The following GAS7 variants were observed in gnomAD, a reference collection of about 807,000 sequenced individuals.
The protein encoded by GAS7 is growth arrest-specific protein 7.
GAS7 carries 28 observed loss-of-function variants against 71.1 expected under a neutral mutation model. The observed-to-expected ratio is 0.39, with a 90% CI of 0.29 to 0.54. The LOEUF (loss-of-function observed/expected upper bound fraction) is 0.54. Among genes scored for constraint, GAS7 ranks in the 20% least tolerant of loss-of-function variants. The probability of loss-of-function intolerance (pLI) is 0.62; values close to 1 mark genes in which losing one functional copy is unlikely to be tolerated. For synonymous variants in GAS7, 258 were observed against 245.8 expected, an observed-to-expected ratio of 1.05 and a Z score of -0.46; for missense variants, 436 against 627.8, an observed-to-expected ratio of 0.69 and a Z score of 3.27.
intron 1 of GAS7, among the ~76,000 whole-genome samples, chr17:10,090,061 C>T (rs565104619): frequency 2.6e-4 from 39 of 151,886 alleles, no homozygotes; most frequent in African/African-American, 7.2e-4. Flanking sequence ...CCCAGCTACT[C>T]GGGAGGCTGA....
At position 9,981,009 on chromosome 17, in the gene GAS7, C is replaced by T. The variant is rs1295417692; in HGVS notation, c.385+795G>A. Among the ~76,000 whole-genome samples the T allele has an allele frequency of 1.3e-5, 2 of 152,158 alleles. No homozygotes were observed. The highest frequency in any genetic ancestry group is 2.9e-5 in the Non-Finnish European group (2 of 68,038). ...CCACCTATTATAGGAATGTCCATTT[C>T]AGCCAGGCGCGGTGGCTCACACCTT... On this transcript the variant is annotated intron_variant, in intron 3 of 13. Coordinates refer to ENST00000432992, the MANE Select transcript of GAS7 (RefSeq NM_201433.2). The surrounding 1 kb of genome is among the most constrained non-coding windows in gnomAD (Gnocchi z 4.4).
rs536654999 is a variant in GAS7 at position 10,113,824 on chromosome 17, T to C, written c.183+84384A>G. Among the ~76,000 whole-genome samples, 7 of 152,344 alleles carry C rather than the reference T, an allele frequency of 4.6e-5. No homozygotes were observed. In the East Asian group the frequency reaches 1.2e-3, roughly 25 times the overall value. On this transcript the variant is annotated intron_variant, in intron 1 of 13. Transcript: ENST00000432992. ...TTTCACTCTACGTTTTTTGTACCTT[T>C]CAGATATCAGACCTGAGCATATATT...
rs59174282 is a variant in GAS7, at chr17:9,992,562, C to CT, written c.305-10679dup. Among the ~76,000 whole-genome samples, 1,366 of 143,780 alleles carry CT rather than the reference C, an allele frequency of 9.5e-3. 20 individuals are homozygous for CT. The highest frequency in any genetic ancestry group is 0.031 in the African/African-American group (1,222 of 39,336). 94.3% of individuals were successfully genotyped at this position (143,780 alleles called of 152,430 possible). A position where few individuals can be genotyped will look rare whatever the true frequency, so the allele number is the denominator to read the frequency against. The stretch of plus-strand genomic sequence containing the variant: ...CAGGGCCTGGCCTCCTTCCCAAAGT[C>CT]TTTTTTTTTTTATTGTAATTTTATT... On this transcript the variant is annotated intron_variant, in intron 2 of 13. Transcript: ENST00000432992.
At chr17:10,119,456 G>C (rs2073888302) in intron 1 of GAS7, among the ~76,000 whole-genome samples, 1 of 152,212 alleles carries the variant, frequency 6.6e-6, no homozygotes, top group Non-Finnish European at 1.5e-5. Context: ...GGTTAGAAAA[G>C]AGCATGTCTC....
chr17:10,059,118 G>C (rs1033603578), intron 1 of GAS7, among the ~76,000 whole-genome samples: 1 of 152,200 alleles, frequency 6.6e-6, no homozygotes. Context: ...GTGTGGACCT[G>C]GTTTCCCATC....
Position 9,990,020 on chromosome 17 carries a change from A to C in GAS7, c.305-8136T>G, listed in dbSNP as rs1055381819. On this transcript the variant is annotated intron_variant, in intron 2 of 13. Coordinates refer to ENST00000432992, the MANE Select transcript of GAS7 (RefSeq NM_201433.2). ...CATGGTGGCTCACGCCTGTAATCCCAGCACTTTGGGAGGCAGAGGTGGACG... is the reference window on the plus strand; with the variant it reads ...CATGGTGGCTCACGCCTGTAATCCCCGCACTTTGGGAGGCAGAGGTGGACG... 3.9e-5 allele frequency among the ~76,000 whole-genome samples: 6 copies of C among 152,320 alleles called. 1 individual carries two copies. The highest frequency in any genetic ancestry group is 7.2e-5 in the African/African-American group (3 of 41,582).
chr17:10,012,023 TA>T (rs1055355985), intron 2 of GAS7, among the ~76,000 whole-genome samples: 3 of 150,522 alleles, frequency 2.0e-5, no homozygotes, highest in Non-Finnish European at 1.5e-5. Context: ...ACTCTTTGTT[TA>T]AAAAAAAAGA....
At chr17:9,985,630 A>C (rs1025682082) in intron 2 of GAS7, among the ~76,000 whole-genome samples, 2 of 152,220 alleles carry the variant, frequency 1.3e-5, no homozygotes, top group Admixed American at 1.3e-4. Flanking sequence ...AAATCTCTCT[A>C]GCTGCAGAGG....
At chr17:10,029,935 A>AGTTCACCATCTCATGAGATGAGAT (rs2072570929) in intron 1 of GAS7, among the ~76,000 whole-genome samples, 3 of 152,150 alleles carry the variant, frequency 2.0e-5, no homozygotes, top group African/African-American at 4.8e-5. Context: ...GATCATGAGA[A>AGTTCACCATCTCATGAGATGAGAT]CACCGAGGGA....
rs188264869 is a variant in GAS7 at position 9,974,666 on chromosome 17, C to T, written c.386-4904G>A. 1.5e-4 allele frequency among the ~76,000 whole-genome samples: 23 copies of T among 152,088 alleles called. No homozygotes were observed. Among genetic ancestry groups the T allele is most frequent in the African/African-American group, 5.1e-4 (21 of 41,458 alleles). On this transcript the variant is annotated intron_variant, in intron 3 of 13. Coordinates refer to ENST00000432992, the MANE Select transcript of GAS7 (RefSeq NM_201433.2). The surrounding 1 kb of genome is among the most constrained non-coding windows in gnomAD (Gnocchi z 4.0). ...TTCATTTCCCTTATAGGCAGTTAAG[C>T]AACTTGAGAGGGCTTAGGAGGTGTC... is the stretch of plus-strand genomic sequence containing the variant.
intron 6 of GAS7, among the ~76,000 whole-genome samples, chr17:9,946,627 G>C (rs1235493766): frequency 6.6e-6 from 1 of 152,150 alleles, no homozygotes; most frequent in African/African-American, 2.4e-5. Context: ...CTGAGCATCG[G>C]AGAAAATGGC....
rs1425731429 is a variant in GAS7 at position 10,005,125 on chromosome 17, ACCAGCATGTGTGCGCGCACGCATG to A, written c.304+14628_304+14651del. On this transcript the variant is annotated intron_variant, in intron 2 of 13. Transcript: ENST00000432992. The stretch of plus-strand genomic sequence containing the variant: ...TGCATGTGTGTGCGTGTGCACGCAT[ACCAGCATGTGTGCGCGCACGCATG>A]CATGCATGTGTGTGCGCACGCATGC... 6.3e-5 allele frequency among the ~76,000 whole-genome samples: 7 copies of A among 110,292 alleles called. No individual in the cohort carries two copies. The East Asian group carries it at 9.7e-4, about 15-fold the overall frequency. The allele number at this position is 110,292 out of a possible 152,430, so 72.4% of individuals were successfully genotyped here.
intron 2 of GAS7, among the ~76,000 whole-genome samples, chr17:9,995,931 A>C (rs1369990898): frequency 6.6e-6 from 1 of 152,192 alleles, no homozygotes; most frequent in African/African-American, 2.4e-5. Flanking sequence ...GCTGGAGTGA[A>C]AGGCTCCAAA....
At chr17:10,118,381 C>T (rs1466920042) in intron 1 of GAS7, among the ~76,000 whole-genome samples, 1 of 152,136 alleles carries the variant, frequency 6.6e-6, no homozygotes, top group East Asian at 1.9e-4. Context: ...TCCGGCCTGC[C>T]CTGGGGGCCC....
At chr17:10,056,776 C>T (rs912656147) in intron 1 of GAS7, among the ~76,000 whole-genome samples, 1 of 150,718 alleles carries the variant, frequency 6.6e-6, no homozygotes, top group African/African-American at 2.5e-5. Flanking sequence ...CCCACGATCT[C>T]CCTCTCCCTC....
intron 1 of GAS7, among the ~76,000 whole-genome samples, chr17:10,069,774 T>G (rs913280680): frequency 6.6e-6 from 1 of 152,200 alleles, no homozygotes; most frequent in African/African-American, 2.4e-5. Context: ...TTGACTCACT[T>G]TTTTCTTTTA....
At chr17:10,165,414 G>A (rs2074287037) in intron 1 of GAS7, among the ~76,000 whole-genome samples, 3 of 152,126 alleles carry the variant, frequency 2.0e-5, no homozygotes, top group African/African-American at 7.2e-5. Flanking sequence ...GTGCTGCTAT[G>A]GGAGCTTTTG....
At chr17:10,071,288 A>C (rs1204559142) in intron 1 of GAS7, among the ~76,000 whole-genome samples, 1 of 152,160 alleles carries the variant, frequency 6.6e-6, no homozygotes, top group Non-Finnish European at 1.5e-5. Flanking sequence ...AATGGAACCA[A>C]AAATATCACA....
At chr17:9,939,936 C>A (rs1300927572) in intron 8 of GAS7, among the ~76,000 whole-genome samples, 190 bp downstream of exon 8, 1 of 152,188 alleles carries the variant, frequency 6.6e-6, no homozygotes, top group African/African-American at 2.4e-5. Context: ...TGGATGCCCA[C>A]ACCTTGAGTC....
Sources: allele counts gnomAD v4.1 joint callset (sites outside exome capture counted in the v4.1 genomes callset), GRCh38; gene constraint gnomAD v4.1.1; non-coding constraint Gnocchi (gnomAD v3.1); transcripts MANE v1.5; gene names NCBI Gene and HGNC (gene_info 2026-07-23, HGNC 2026-07-21).